Variants in TTC39B observed in about 807,000 individuals in gnomAD.
TTC39B encodes the protein tetratricopeptide repeat protein 39B.
TTC39B carries 92 observed loss-of-function variants against 96.6 expected under a neutral mutation model. The observed-to-expected ratio is 0.95, with a 90% CI of 0.80 to 1.13. TTC39B has a LOEUF of 1.13. Ranked by LOEUF, TTC39B falls within the 50% of genes most tolerant of loss-of-function variation. The pLI is 0.00. For missense variants in TTC39B, 955 were observed against 809.3 expected (o/e 1.18, Z -2.18); for synonymous variants, 367 against 299.4 (o/e 1.23, Z -2.33).
rs750104449 is a variant in TTC39B, at chr9:15,210,104, C to T, written c.675G>A (p.Leu225=). 15 of 1,606,852 alleles carry T rather than the reference C, an allele frequency of 9.3e-6. No homozygotes were observed. The East Asian group carries it at 3.4e-4, about 36-fold the overall frequency. Reference sequence around the variant, plus strand: ...GACTTTTACCTTCACTCAGTTGCTCCAGGGATCCTCTAGAAAGAAGACTTG... The same window carrying T: ...GACTTTTACCTTCACTCAGTTGCTCTAGGGATCCTCTAGAAAGAAGACTTG... The change falls in exon 6 of 20, where the codon CTG becomes CTA. Residue 225 remains leucine (L), a synonymous_variant. Transcript: ENST00000512701.
At chr9:15,205,825 T>TG (rs1333374517) in intron 6 of TTC39B, among the ~76,000 whole-genome samples, 5 of 151,736 alleles carry the variant, frequency 3.3e-5, no homozygotes, top group African/African-American at 1.2e-4. Flanking sequence ...ATGGCAGCGG[T>TG]GGGGGAGCCG....
At chr9:15,297,342 G>A (rs555958472) in intron 1 of TTC39B, among the ~76,000 whole-genome samples, 2 of 152,254 alleles carry the variant, frequency 1.3e-5, no homozygotes, top group South Asian at 2.1e-4. Flanking sequence ...CAACTCCTTC[G>A]TGTCGCCTAT....
At chr9:15,177,866 G>GTT in intron 17 of TTC39B, 52 bp from the exon 18 acceptor site, 1 of 681,126 alleles carries the variant, frequency 1.5e-6, no homozygotes, top group Non-Finnish European at 2.3e-6. Flanking sequence ...TACTTTTTAA[G>GTT]ATCTTTTTTT....
At chr9:15,284,710 T>C (rs1435196563) in intron 1 of TTC39B, among the ~76,000 whole-genome samples, 2 of 152,190 alleles carry the variant, frequency 1.3e-5, no homozygotes, top group South Asian at 4.1e-4. Context: ...ACCAAATTCT[T>C]ACTTAAGCTG....
intron 1 of TTC39B, among the ~76,000 whole-genome samples, chr9:15,270,308 T>C (rs533799791): frequency 6.6e-6 from 1 of 152,204 alleles, no homozygotes; most frequent in East Asian, 1.9e-4. Context: ...ATGTGAGTAG[T>C]TACAGAGAAG....
chr9:15,175,565 T>C (rs1423876553), intron 18 of TTC39B, among the ~76,000 whole-genome samples: 3 of 152,110 alleles, frequency 2.0e-5, no homozygotes, highest in African/African-American at 7.2e-5. Context: ...AAAGAAATGG[T>C]CAACACTTCT....
chr9:15,223,307 A>G (rs1820948443), intron 3 of TTC39B, among the ~76,000 whole-genome samples: 1 of 152,232 alleles, frequency 6.6e-6, no homozygotes, highest in Non-Finnish European at 1.5e-5. Context: ...ACAAGTAAGG[A>G]GGCAAATGAG....
At chr9:15,197,453 A>G (rs1349443089) in intron 8 of TTC39B, among the ~76,000 whole-genome samples, 1 of 152,252 alleles carries the variant, frequency 6.6e-6, no homozygotes, top group Non-Finnish European at 1.5e-5. Flanking sequence ...CTCTTAAAAT[A>G]CTAAATTTTG....
At chr9:15,184,098 A>G (rs1297316851) in intron 16 of TTC39B, among the ~76,000 whole-genome samples, 1 of 152,200 alleles carries the variant, frequency 6.6e-6, no homozygotes, top group African/African-American at 2.4e-5. Context: ...ATGAACAACA[A>G]TTTACAAAAG....
At chr9:15,285,771 C>T (rs1421866149) in intron 1 of TTC39B, among the ~76,000 whole-genome samples, 8 of 152,030 alleles carry the variant, frequency 5.3e-5, no homozygotes, top group Non-Finnish European at 8.8e-5. Context: ...AGGAGAATGG[C>T]GTGAACCCGG....
chr9:15,225,461 GA>G (rs1311749229), intron 3 of TTC39B, among the ~76,000 whole-genome samples: 1 of 151,890 alleles, frequency 6.6e-6, no homozygotes, highest in African/African-American at 2.4e-5. Flanking sequence ...AATATTTGAC[GA>G]AAAAATCTAT....
rs150768225 is a variant in TTC39B, at chr9:15,305,840, T to C, written c.240+1244A>G. Reference sequence around the variant, plus strand: ...CAATGCCCTAATCTAGAGAATTACATAGTTCTAAGCACAGCAAATCTCCTA... The same window carrying C: ...CAATGCCCTAATCTAGAGAATTACACAGTTCTAAGCACAGCAAATCTCCTA... On this transcript the variant is annotated intron_variant, in intron 1 of 19. Transcript: ENST00000512701. Among the ~76,000 whole-genome samples, 7 of 151,956 alleles carry C rather than the reference T, an allele frequency of 4.6e-5. No individual in the cohort carries two copies. The South Asian group carries it at 1.0e-3, about 23-fold the overall frequency.
chr9:15,289,609 C>T (rs1317854433), intron 1 of TTC39B, among the ~76,000 whole-genome samples: 1 of 152,192 alleles, frequency 6.6e-6, no homozygotes, highest in African/African-American at 2.4e-5. Flanking sequence ...TTTCCTCTCT[C>T]GCACATGTCT....
chr9:15,302,085 G>C (rs568023631), intron 1 of TTC39B, among the ~76,000 whole-genome samples: 3 of 152,200 alleles, frequency 2.0e-5, no homozygotes, highest in Non-Finnish European at 4.4e-5. Context: ...CACATTGGGA[G>C]GCCAAGGCGG....
intron 1 of TTC39B, among the ~76,000 whole-genome samples, chr9:15,286,423 AGAC>A (rs1193802858): frequency 6.6e-6 from 1 of 152,236 alleles, no homozygotes; most frequent in Admixed American, 6.5e-5. Flanking sequence ...GAGTCAGGTT[AGAC>A]GACTACAGAA....
chr9:15,197,052 G>C (rs141741827), intron 8 of TTC39B, among the ~76,000 whole-genome samples: 1 of 152,166 alleles, frequency 6.6e-6, no homozygotes, highest in African/African-American at 2.4e-5. Flanking sequence ...ATCAATTAAG[G>C]TATGTATATT....
At chr9:15,241,003 A>T (rs1162721846) in intron 2 of TTC39B, among the ~76,000 whole-genome samples, 1 of 152,186 alleles carries the variant, frequency 6.6e-6, no homozygotes. Flanking sequence ...TTCATGCCTT[A>T]TTGAAGGAAT....
At chr9:15,305,897 A>G (rs1234674036) in intron 1 of TTC39B, among the ~76,000 whole-genome samples, 1 of 152,086 alleles carries the variant, frequency 6.6e-6, no homozygotes, top group Non-Finnish European at 1.5e-5. Flanking sequence ...ATTTCATTCT[A>G]CAGTCTTGGG....
chr9:15,279,013 G>C (rs979014433), intron 1 of TTC39B, among the ~76,000 whole-genome samples: 1 of 152,184 alleles, frequency 6.6e-6, no homozygotes, highest in African/African-American at 2.4e-5. Flanking sequence ...ATCCATAACT[G>C]AGCCTCAACT....
Sources: allele counts gnomAD v4.1 joint callset (sites outside exome capture counted in the v4.1 genomes callset), GRCh38; gene constraint gnomAD v4.1.1; transcripts MANE v1.5; gene names NCBI Gene and HGNC (gene_info 2026-07-23, HGNC 2026-07-21).